CDH20: variants seen among roughly 807,000 people sequenced by gnomAD.
The protein encoded by CDH20 is cadherin-20.
CDH20 carries 29 observed loss-of-function variants against 74.2 expected under a neutral mutation model. The ratio of observed to expected loss-of-function variants is 0.39; its 90% CI spans 0.29 to 0.53. The LOEUF is 0.53. CDH20 is among the 20% of genes least tolerant of loss of function. The pLI, the probability that CDH20 is intolerant of heterozygous loss-of-function variation, is 0.69. For missense variants in CDH20, 988 were observed against 1,048.3 expected, an observed-to-expected ratio of 0.94 and a Z score of 0.79; for synonymous variants, 469 against 405.4, an observed-to-expected ratio of 1.16 and a Z score of -1.88.
intron 9 of CDH20, among the ~76,000 whole-genome samples, chr18:61,542,418 G>A (rs1017115078): frequency 6.6e-6 from 1 of 152,202 alleles, no homozygotes; most frequent in Admixed American, 6.5e-5. Context: ...GGCCCTTGGG[G>A]CCAGCACCTG....
At chr18:61,334,139 G>A (rs1444623366) in intron 1 of CDH20, 1 of 152,286 alleles carries the variant, frequency 6.6e-6, no homozygotes, top group Non-Finnish European at 1.5e-5. Context: ...GCGCGCGCCT[G>A]GGGATGGTGA....
chr18:61,456,077 G>C (rs1452367768), intron 1 of CDH20, among the ~76,000 whole-genome samples: 1 of 152,160 alleles, frequency 6.6e-6, no homozygotes, highest in African/African-American at 2.4e-5. Flanking sequence ...CATTTAACAA[G>C]CTTCACCGTT....
intron 1 of CDH20, among the ~76,000 whole-genome samples, chr18:61,382,086 C>T (rs533792431): frequency 1.1e-3 from 173 of 152,276 alleles, no homozygotes; most frequent in African/African-American, 3.9e-3. Flanking sequence ...TCTACTGAAA[C>T]GATGCCTTGC....
chr18:61,389,621 T>C (rs1453233321), intron 1 of CDH20, among the ~76,000 whole-genome samples: 2 of 152,216 alleles, frequency 1.3e-5, no homozygotes, highest in African/African-American at 4.8e-5. Context: ...TTATGACATC[T>C]AAGCTTAACA....
At chr18:61,500,832 C>T (rs1911353000) in intron 4 of CDH20, among the ~76,000 whole-genome samples, 1 of 152,176 alleles carries the variant, frequency 6.6e-6, no homozygotes, top group African/African-American at 2.4e-5. Flanking sequence ...CCATGAAGAC[C>T]CAACAGGATT....
At position 61,339,249 on chromosome 18, in the gene CDH20, T is replaced by C. The variant is rs114592433; in HGVS notation, c.-153+5422T>C. On this transcript the variant is annotated intron_variant, in intron 1 of 11. Coordinates refer to ENST00000262717, the MANE Select transcript of CDH20 (RefSeq NM_031891.4). ...CAATATCTCTTTATAAAAAAAGTGG[T>C]ATTATCTCTGAATTACTATTTACCA... Among the ~76,000 whole-genome samples the C allele has an allele frequency of 6.1e-3, 936 of 152,238 alleles. 10 individuals are homozygous for C. Among genetic ancestry groups the C allele is most frequent in the African/African-American group, 0.022 (901 of 41,550 alleles).
chr18:61,365,812 T>C (rs1410948010), intron 1 of CDH20, among the ~76,000 whole-genome samples: 2 of 152,200 alleles, frequency 1.3e-5, no homozygotes, highest in African/African-American at 4.8e-5. Flanking sequence ...AAAAGTTCTT[T>C]GCAGTGTGAT....
At chr18:61,347,626 G>T (rs1910174521) in intron 1 of CDH20, among the ~76,000 whole-genome samples, 1 of 151,928 alleles carries the variant, frequency 6.6e-6, no homozygotes, top group African/African-American at 2.4e-5. Context: ...AAGGCAAATT[G>T]GAATATGCAT....
At chr18:61,396,643 A>G (rs1204290303) in intron 1 of CDH20, among the ~76,000 whole-genome samples, 1 of 152,216 alleles carries the variant, frequency 6.6e-6, no homozygotes, top group Non-Finnish European at 1.5e-5. Flanking sequence ...GCTGCAGGTG[A>G]ATTTTTAGCA....
Position 61,333,685 on chromosome 18 carries a change from G to T in CDH20, c.-295G>T, listed in dbSNP as rs1174784621. ...TCTGACAGAGGGGGTAGGGGGGTGG[G>T]GGGCGGGGACAGCGCCGCGAGCAGG... is the stretch of plus-strand genomic sequence containing the variant. On this transcript the variant is annotated 5_prime_UTR_variant, in exon 1 of 12. Transcript: ENST00000262717. 1.4e-5 allele frequency: 2 copies of T among 145,174 alleles called. No homozygotes were observed. The highest frequency in any genetic ancestry group is 5.0e-5 in the African/African-American group (2 of 40,302). The allele number at this position is 145,174 out of a possible 1,614,324, so 9.0% of individuals were successfully genotyped here. A position where few individuals can be genotyped will look rare whatever the true frequency, so the allele number is the denominator to read the frequency against.
chr18:61,534,489 C>T (rs1198577307), intron 7 of CDH20, among the ~76,000 whole-genome samples: 1 of 152,192 alleles, frequency 6.6e-6, no homozygotes, highest in African/African-American at 2.4e-5. Context: ...TAGTGCCCAT[C>T]AACAGATGAA....
intron 1 of CDH20, among the ~76,000 whole-genome samples, chr18:61,362,578 C>T (rs1910731893): frequency 6.6e-6 from 1 of 152,064 alleles, no homozygotes; most frequent in African/African-American, 2.4e-5. Flanking sequence ...TTATGTTAGA[C>T]AGTAATAAGT....
chr18:61,503,677 T>C (rs1161673475), intron 5 of CDH20, among the ~76,000 whole-genome samples: 1 of 152,226 alleles, frequency 6.6e-6, no homozygotes, highest in East Asian at 1.9e-4. Flanking sequence ...CTTGGAATCC[T>C]GTCTCTGCCC....
intron 6 of CDH20, among the ~76,000 whole-genome samples, chr18:61,514,251 C>A (rs1368356002): frequency 2.0e-5 from 3 of 151,698 alleles, no homozygotes; most frequent in African/African-American, 7.3e-5. Flanking sequence ...TCATTCATTT[C>A]ATCTTCCATT....
chr18:61,414,908 A>G (rs1021784277), intron 1 of CDH20, among the ~76,000 whole-genome samples: 4 of 152,108 alleles, frequency 2.6e-5, no homozygotes, highest in Admixed American at 1.3e-4. Context: ...TTGGGCAAAC[A>G]TCACCACCAT....
rs1913370462 is a variant in CDH20 at position 61,549,855 on chromosome 18, T to C, written c.1649-123T>C. Reference sequence around the variant, plus strand: ...AGGCAAACCCGCCATGGTTGACCACTACCAGGGAATATCTGACTATCCTCT... The same window carrying C: ...AGGCAAACCCGCCATGGTTGACCACCACCAGGGAATATCTGACTATCCTCT... On this transcript the variant is annotated intron_variant, in intron 10 of 11. Transcript: ENST00000262717. The C allele has an allele frequency of 3.9e-6, 4 of 1,019,020 alleles. No homozygotes were observed. The South Asian group carries it at 6.4e-5, about 16-fold the overall frequency. The allele number at this position is 1,019,020 out of a possible 1,614,324, so 63.1% of individuals were successfully genotyped here. A position where few individuals can be genotyped will look rare whatever the true frequency, so the allele number is the denominator to read the frequency against.
At chr18:61,539,995 A>G (rs1912968065) in intron 9 of CDH20, among the ~76,000 whole-genome samples, 1 of 152,204 alleles carries the variant, frequency 6.6e-6, no homozygotes, top group South Asian at 2.1e-4. Context: ...TAGTTGATCA[A>G]ATTCTAAGTG....
chr18:61,537,823 A>C (rs1323104749), intron 8 of CDH20, among the ~76,000 whole-genome samples: 2 of 152,150 alleles, frequency 1.3e-5, no homozygotes, highest in Middle Eastern at 3.2e-3. Flanking sequence ...TTTAGGGGGG[A>C]AAGAGTAGAG....
intron 1 of CDH20, among the ~76,000 whole-genome samples, chr18:61,347,522 G>T (rs1331901974): frequency 9.1e-5 from 13 of 142,490 alleles, no homozygotes; most frequent in African/African-American, 3.4e-4. Context: ...CCTGCCTCAG[G>T]GAAAAAAACA....
Sources: gnomAD v4.1 joint callset for allele counts (sites outside exome capture counted in the v4.1 genomes callset) on GRCh38, gnomAD v4.1.1 for gene constraint, MANE v1.5 for transcripts, NCBI Gene and HGNC (gene_info 2026-07-23, HGNC 2026-07-21) for gene names.